Variants in SCN8A observed in about 807,000 individuals in gnomAD.
SCN8A encodes sodium voltage-gated channel alpha subunit 8.
In SCN8A, 30 loss-of-function variants were observed where a neutral mutation model predicts 184.1. That is an observed-to-expected ratio of 0.16 (90% CI 0.12 to 0.22). The LOEUF is 0.22. SCN8A is among the 10% of genes least tolerant of loss of function. The pLI is 1.00. For missense variants in SCN8A, 1,057 were observed against 2,498.9 expected (o/e 0.42, Z 12.30); for synonymous variants, 852 against 907.0 (o/e 0.94, Z 1.09).
At chr12:51,753,284 G>C (rs545828694) in intron 14 of SCN8A, among the ~76,000 whole-genome samples, 2 of 152,206 alleles carry the variant, frequency 1.3e-5, no homozygotes, top group African/African-American at 2.4e-5. Flanking sequence ...ACAATTAGCA[G>C]TGGGGAGGGA....
chr12:51,798,574 G>C (rs935470116), intron 26 of SCN8A, among the ~76,000 whole-genome samples: 6 of 152,174 alleles, frequency 3.9e-5, no homozygotes, highest in African/African-American at 1.4e-4. Flanking sequence ...GGTCAGCCTT[G>C]ATGAGTGGGA....
rs141532158 is a variant in SCN8A at position 51,792,811 on chromosome 12, C to T, written c.4525-1560C>T. 3.1e-3 allele frequency among the ~76,000 whole-genome samples: 467 copies of T among 152,174 alleles called. 2 individuals carry two copies. Among genetic ancestry groups the T allele is most frequent in the African/African-American group, 0.011 (438 of 41,520 alleles). On this transcript the variant is annotated intron_variant, in intron 25 of 26. Transcript: ENST00000627620. ...AGGCTGGAGTGCAGTGGCGTGATCT[C>T]GGCCCACTGCAACCTCTGCCTCCCA...
chr12:51,614,397 A>G (rs1939787106), intron 1 of SCN8A, among the ~76,000 whole-genome samples: 1 of 152,120 alleles, frequency 6.6e-6, no homozygotes, highest in Non-Finnish European at 1.5e-5. Flanking sequence ...TAATATAATC[A>G]TCCTACCTTT....
chr12:51,684,027 G>A, intron 2 of SCN8A, 147 bp from the exon 3 acceptor site: 1 of 670,104 alleles, frequency 1.5e-6, no homozygotes, highest in African/African-American at 1.8e-5. Flanking sequence ...CAAACATTGT[G>A]TTAAGTTTGC....
At chr12:51,730,583 T>C (rs958685211) in intron 12 of SCN8A, among the ~76,000 whole-genome samples, 1 of 152,196 alleles carries the variant, frequency 6.6e-6, no homozygotes, top group Non-Finnish European at 1.5e-5. Context: ...TGTGGGTACA[T>C]AGTAAGTATA....
At chr12:51,762,775 G>T in intron 15 of SCN8A, 99 bp downstream of exon 15, 1 of 1,126,954 alleles carries the variant, frequency 8.9e-7, no homozygotes. Context: ...AAATATATTA[G>T]CTGTATTTTA....
At chr12:51,648,261 G>A (rs1940634759) in intron 1 of SCN8A, among the ~76,000 whole-genome samples, 1 of 152,176 alleles carries the variant, frequency 6.6e-6, no homozygotes, top group Non-Finnish European at 1.5e-5. Context: ...GTTATTCACA[G>A]GTGTGACCAT....
At chr12:51,796,175 G>T (rs1938402121) in intron 26 of SCN8A, among the ~76,000 whole-genome samples, 1 of 152,140 alleles carries the variant, frequency 6.6e-6, no homozygotes, top group African/African-American at 2.4e-5. Flanking sequence ...CATAATAAGT[G>T]CTTTAAATAT....
At chr12:51,673,940 A>C (rs1369443136) in intron 2 of SCN8A, among the ~76,000 whole-genome samples, 1 of 152,154 alleles carries the variant, frequency 6.6e-6, no homozygotes, top group African/African-American at 2.4e-5. Context: ...GGACCTTTAA[A>C]TATTAAAGTA....
chr12:51,798,655 G>T (rs1938476027), intron 26 of SCN8A, among the ~76,000 whole-genome samples: 1 of 152,158 alleles, frequency 6.6e-6, no homozygotes, highest in Non-Finnish European at 1.5e-5. Context: ...GGGCCCATTG[G>T]GCAATGACAG....
At position 51,624,221 on chromosome 12, in the gene SCN8A, CCCA is replaced by C. The variant is rs1161776881; in HGVS notation, c.-55+32866_-55+32868del. Among the ~76,000 whole-genome samples, 14 of 152,288 alleles carry C rather than the reference CCCA, an allele frequency of 9.2e-5. No homozygotes were observed. The South Asian group carries it at 2.9e-3, about 32-fold the overall frequency. On this transcript the variant is annotated intron_variant, in intron 1 of 26. Coordinates refer to ENST00000627620, the MANE Select transcript of SCN8A (RefSeq NM_001330260.2). ...CACAAGGGTTGAACTAGTTTACAGT[CCCA>C]CCAACAGTGTAAAAGTGTTCCTATT...
intron 16 of SCN8A, among the ~76,000 whole-genome samples, chr12:51,766,744 G>A (rs1410048504): frequency 6.6e-6 from 1 of 152,172 alleles, no homozygotes. Context: ...CTGAGGACTA[G>A]CAGCAACAAG....
chr12:51,625,069 C>A (rs983470958), intron 1 of SCN8A, among the ~76,000 whole-genome samples: 1 of 152,156 alleles, frequency 6.6e-6, no homozygotes, highest in Non-Finnish European at 1.5e-5. Context: ...AAAGTTCACT[C>A]TTTGTAAGGT....
At chr12:51,666,236 C>T (rs1452364698) in intron 2 of SCN8A, among the ~76,000 whole-genome samples, 3 of 152,182 alleles carry the variant, frequency 2.0e-5, no homozygotes, top group African/African-American at 4.8e-5. Context: ...CTCACCTTCT[C>T]GCCCTTGAAG....
chr12:51,592,616 G>A (rs1018443909), intron 1 of SCN8A, among the ~76,000 whole-genome samples: 13 of 151,850 alleles, frequency 8.6e-5, no homozygotes, highest in African/African-American at 3.1e-4. Context: ...GTCAGGGGGA[G>A]GGAGAAATAA....
intron 1 of SCN8A, among the ~76,000 whole-genome samples, chr12:51,643,448 G>A (rs1373211360): frequency 2.6e-5 from 4 of 152,162 alleles, no homozygotes; most frequent in African/African-American, 9.7e-5. Flanking sequence ...CACCTGCTTT[G>A]CAGACAGGCC....
intron 1 of SCN8A, among the ~76,000 whole-genome samples, chr12:51,608,226 G>C (rs1211381850): frequency 6.6e-6 from 1 of 151,768 alleles, no homozygotes; most frequent in African/African-American, 2.4e-5. Flanking sequence ...GTTTCACCAT[G>C]GTCTCCATCT....
At chr12:51,613,671 A>G (rs1363641604) in intron 1 of SCN8A, among the ~76,000 whole-genome samples, 1 of 151,938 alleles carries the variant, frequency 6.6e-6, no homozygotes, top group Non-Finnish European at 1.5e-5. Context: ...TAAGGTGGAA[A>G]CTTGGATTGT....
chr12:51,690,220 C>T (rs963900463), intron 6 of SCN8A, among the ~76,000 whole-genome samples: 6 of 152,120 alleles, frequency 3.9e-5, no homozygotes, highest in African/African-American at 1.4e-4. Context: ...AAGGAAGACT[C>T]CGTAGAGACC....
Sources: allele counts gnomAD v4.1 joint callset (sites outside exome capture counted in the v4.1 genomes callset), GRCh38; gene constraint gnomAD v4.1.1; transcripts MANE v1.5; gene names NCBI Gene and HGNC (gene_info 2026-07-23, HGNC 2026-07-21).